The following LGMN variants were observed in gnomAD, a reference collection of about 807,000 sequenced individuals.
LGMN encodes the protein asparaginyl endopeptidase.
In LGMN, 36 loss-of-function variants were observed where a neutral mutation model predicts 56.8. That is an observed-to-expected ratio of 0.63 (90% CI 0.49 to 0.84). The LOEUF (loss-of-function observed/expected upper bound fraction) is 0.84, where lower values mean the gene tolerates loss of function less well. Among genes scored for constraint, LGMN ranks in the 40% least tolerant of loss-of-function variants. LGMN has a pLI of 0.00. For synonymous variants in LGMN, 199 were observed against 210.1 expected (o/e 0.95, Z 0.46); for missense variants, 446 against 556.1 (o/e 0.80, Z 1.99).
chr14:92,732,543 T>C, intron 2 of LGMN, 106 bp downstream of exon 2: 1 of 1,280,218 alleles, frequency 7.8e-7, no homozygotes, highest in Non-Finnish European at 1.1e-6. Context: ...GCCTAACAGG[T>C]CCGTCAATGG....
In LGMN at chr14:92,712,818, C is replaced by T. The variant is rs146865133; in HGVS notation, c.597G>A (p.Pro199=). The T allele has an allele frequency of 2.9e-5, 46 of 1,613,712 alleles. No homozygotes were observed. The highest frequency in any genetic ancestry group is 1.8e-4 in the East Asian group (8 of 44,902). The change falls in exon 8 of 14, where the codon CCG becomes CCA. Residue 199 remains proline, a synonymous_variant. Transcript: ENST00000334869. ...CCAACCACCTACCATTGATGTTATC[C>T]GGCAGGTGGTTCATCATGGACCCAG... ...CESGSMMNHL[P]DNINVYATTA... is the part of the protein sequence containing the mutation.
Position 92,703,822 on chromosome 14 carries a change from A to G in LGMN, c.*497T>C. 3.1e-6 allele frequency: 1 copy of G among 318,708 alleles called. No individual in the cohort carries two copies. The allele number at this position is 318,708 out of a possible 1,614,324, so 19.7% of individuals were successfully genotyped here. On this transcript the variant is annotated 3_prime_UTR_variant, in exon 14 of 14. Transcript: ENST00000334869. The stretch of plus-strand genomic sequence containing the variant: ...CGGACGTGAATATTTGGGTTCTGTT[A>G]TAAATCTTTATTTTTTAAGACTTGA...
At chr14:92,726,995 A>G (rs1256329989) in intron 2 of LGMN, among the ~76,000 whole-genome samples, 7 of 152,224 alleles carry the variant, frequency 4.6e-5, no homozygotes. Context: ...GAGCAAGCCA[A>G]ACAGACAAGA....
intron 2 of LGMN, among the ~76,000 whole-genome samples, chr14:92,719,620 G>C (rs1250229503): frequency 6.6e-6 from 1 of 152,170 alleles, no homozygotes; most frequent in Admixed American, 6.5e-5. Context: ...ACACTGTTTA[G>C]AGAACTGACT....
At chr14:92,720,895 G>C (rs1890435120) in intron 2 of LGMN, among the ~76,000 whole-genome samples, 1 of 150,990 alleles carries the variant, frequency 6.6e-6, no homozygotes, top group Non-Finnish European at 1.5e-5. Flanking sequence ...TTTTGTTTTT[G>C]TTTTTGTTTT....
At chr14:92,721,572 C>T (rs1483922368) in intron 2 of LGMN, among the ~76,000 whole-genome samples, 1 of 152,186 alleles carries the variant, frequency 6.6e-6, no homozygotes, top group Non-Finnish European at 1.5e-5. Context: ...AATTGGCACT[C>T]CACTCTGGAA....
rs572834156 is a variant in LGMN at position 92,746,112 on chromosome 14, C to T, written c.-30+2377G>A. On this transcript the variant is annotated intron_variant, in intron 1 of 13. Transcript: ENST00000334869. ...CTGCGATTACAGGCACGAGCCACCG[C>T]GCCCAGCGAGAATCTCATTTTCTTC... 3.3e-4 allele frequency among the ~76,000 whole-genome samples: 50 copies of T among 152,230 alleles called. 1 individual carries two copies. Among genetic ancestry groups the T allele is most frequent in the Non-Finnish European group, 4.7e-4 (32 of 68,048 alleles).
chr14:92,706,159 T>C (rs892186242), intron 12 of LGMN, among the ~76,000 whole-genome samples: 1 of 152,124 alleles, frequency 6.6e-6, no homozygotes, highest in African/African-American at 2.4e-5. Context: ...AAGATGTGTG[T>C]GGCTCGTGTG....
At chr14:92,744,323 C>G (rs1405574695) in intron 1 of LGMN, among the ~76,000 whole-genome samples, 1 of 152,110 alleles carries the variant, frequency 6.6e-6, no homozygotes, top group African/African-American at 2.4e-5. Flanking sequence ...ATTCTGCATA[C>G]TATGGGTAAC....
intron 10 of LGMN, among the ~76,000 whole-genome samples, chr14:92,710,438 C>T (rs1889701568): frequency 6.6e-6 from 1 of 152,210 alleles, no homozygotes; most frequent in African/African-American, 2.4e-5. Flanking sequence ...AGAGCTAAGG[C>T]CACAGAGAGG....
At chr14:92,712,579 G>C (rs754890340) in intron 8 of LGMN, 4 of 546,748 alleles carry the variant, frequency 7.3e-6, no homozygotes, top group Non-Finnish European at 1.3e-5. Flanking sequence ...AGTTTTACGA[G>C]AACCTGGAAG....
At chr14:92,745,861 G>A (rs1399036948) in intron 1 of LGMN, among the ~76,000 whole-genome samples, 1 of 151,248 alleles carries the variant, frequency 6.6e-6, no homozygotes, top group Non-Finnish European at 1.5e-5. Flanking sequence ...GTCCCTCTCT[G>A]GCCAGGCTGG....
chr14:92,732,883 G>T, intron 1 of LGMN, 68 bp from the exon 2 acceptor site: 1 of 1,269,312 alleles, frequency 7.9e-7, no homozygotes, highest in Non-Finnish European at 1.1e-6. Context: ...GGGCGCGGTG[G>T]CTCACACCTG....
intron 2 of LGMN, among the ~76,000 whole-genome samples, chr14:92,729,258 A>G (rs1384683453): frequency 7.1e-6 from 1 of 140,490 alleles, no homozygotes; most frequent in Non-Finnish European, 1.5e-5. Context: ...ACTCCCTCCC[A>G]GGCTGGCCAC....
intron 1 of LGMN, among the ~76,000 whole-genome samples, chr14:92,740,868 T>C (rs1484745878): frequency 6.6e-6 from 1 of 152,166 alleles, no homozygotes; most frequent in Admixed American, 6.5e-5. Context: ...TACAGGGCTA[T>C]ACCAGGTCAG....
At chr14:92,734,660 AC>A (rs1891216752) in intron 1 of LGMN, among the ~76,000 whole-genome samples, 1 of 151,098 alleles carries the variant, frequency 6.6e-6, no homozygotes, top group African/African-American at 2.4e-5. Flanking sequence ...AAAAAAAAAA[AC>A]TTTATTATTA....
At chr14:92,716,018 C>T (rs1400115008) in intron 5 of LGMN, 118 bp downstream of exon 5, 1 of 685,372 alleles carries the variant, frequency 1.5e-6, no homozygotes, top group East Asian at 2.8e-5. Context: ...CAAAACTCTC[C>T]ACTCTGTAAT....
At chr14:92,722,956 G>T (rs1047321507) in intron 2 of LGMN, among the ~76,000 whole-genome samples, 5 of 152,178 alleles carry the variant, frequency 3.3e-5, no homozygotes, top group Admixed American at 1.3e-4. Flanking sequence ...ACACTGCTAT[G>T]GTAATGTAAA....
chr14:92,719,188 ACCACCG>A (rs1263441784), intron 2 of LGMN, among the ~76,000 whole-genome samples: 2 of 127,778 alleles, frequency 1.6e-5, no homozygotes, highest in Non-Finnish European at 1.6e-5. Context: ...CACCATCACC[ACCACCG>A]CCACCAACAC....
Sources: gnomAD v4.1 joint callset for allele counts (sites outside exome capture counted in the v4.1 genomes callset) on GRCh38, gnomAD v4.1.1 for gene constraint, MANE v1.5 for transcripts, NCBI Gene and HGNC (gene_info 2026-07-23, HGNC 2026-07-21) for gene names.